GIGYF2: variants seen among roughly 807,000 people sequenced by gnomAD.
GIGYF2 encodes GRB10-interacting GYF protein 2.
In GIGYF2, 25 loss-of-function variants were observed where a neutral mutation model predicts 208.1. That is an observed-to-expected ratio of 0.12 (90% CI 0.09 to 0.17). The LOEUF (loss-of-function observed/expected upper bound fraction) is 0.17. Among genes scored for constraint, GIGYF2 ranks in the 10% least tolerant of loss-of-function variants. GIGYF2 has a pLI of 1.00. For synonymous variants in GIGYF2, 534 were observed against 543.8 expected, an observed-to-expected ratio of 0.98 and a Z score of 0.25; for missense variants, 1,302 against 1,579.4, an observed-to-expected ratio of 0.82 and a Z score of 2.98.
intron 8 of GIGYF2, among the ~76,000 whole-genome samples, chr2:232,772,384 A>G (rs1699303358): frequency 6.6e-6 from 1 of 152,222 alleles, no homozygotes; most frequent in South Asian, 2.1e-4. Context: ...AAATTCCAGG[A>G]AGACATTTCT....
intron 1 of GIGYF2, among the ~76,000 whole-genome samples, chr2:232,697,837 G>A (rs926607831): frequency 6.6e-6 from 1 of 152,214 alleles, no homozygotes; most frequent in Non-Finnish European, 1.5e-5. Context: ...CAGCTGCTGC[G>A]GCCAGACAGC....
chr2:232,775,842 C>CT (rs1242057810), intron 8 of GIGYF2, among the ~76,000 whole-genome samples: 1 of 152,174 alleles, frequency 6.6e-6, no homozygotes, highest in Non-Finnish European at 1.5e-5. Context: ...GGTGTAAATA[C>CT]TTTAAGACTA....
In GIGYF2 at chr2:232,809,708, C is replaced by T; in HGVS notation, c.1807-12C>T. The T allele has an allele frequency of 6.5e-7, 1 of 1,543,026 alleles. No homozygotes were observed. The highest frequency in any genetic ancestry group is 9.0e-7 in the Non-Finnish European group (1 of 1,115,070). ...TTTAATGGTATTTATTTCCTCACCA[C>T]TTCATTCCTAGGGAGAGCTGGACCA... On this transcript the variant is annotated splice_polypyrimidine_tract_variant and intron_variant, in intron 15 of 28. Transcript: ENST00000373563.
At chr2:232,756,107 C>T in intron 5 of GIGYF2, 116 bp from the exon 6 acceptor site, 6 of 651,168 alleles carry the variant, frequency 9.2e-6, no homozygotes, top group Non-Finnish European at 1.3e-5. Context: ...AATTAGATGC[C>T]TTTTTATAGA....
intron 22 of GIGYF2, among the ~76,000 whole-genome samples, chr2:232,835,175 T>G (rs1465767970): frequency 6.6e-6 from 1 of 152,220 alleles, no homozygotes; most frequent in African/African-American, 2.4e-5. Context: ...GATTTCATTC[T>G]TTTTTGTGGC....
rs1257665980 is a variant in GIGYF2 at position 232,844,052 on chromosome 2, C to T, written c.2896C>T (p.Arg966Cys). The change falls in exon 24 of 29, where the codon CGC (arginine) becomes TGC (cysteine). Residue 966 changes from arginine to cysteine, a missense_variant. Physicochemically the swap from Arg to Cys is radical, Grantham distance 180 (BLOSUM62 -3). Transcript: ENST00000373563. The part of the protein sequence containing the change: ...RERQLREEQR[R>C]QQRELMKALQ... ...TTCTGTTTTTATGCAACAGCAAAGG[C>T]GCCAGCAGAGGGAGTTGATGAAAGC... 9 of 1,612,364 alleles carry T rather than the reference C, an allele frequency of 5.6e-6. No individual in the cohort carries two copies. The highest frequency in any genetic ancestry group is 4.4e-5 in the South Asian group (4 of 90,956).
intron 1 of GIGYF2, among the ~76,000 whole-genome samples, chr2:232,702,743 A>G (rs1695913411): frequency 6.6e-6 from 1 of 152,182 alleles, no homozygotes; most frequent in African/African-American, 2.4e-5. Flanking sequence ...CTGAGGGCTC[A>G]GTGATTATTT....
intron 3 of GIGYF2, among the ~76,000 whole-genome samples, chr2:232,744,530 C>T (rs971384632): frequency 4.3e-4 from 64 of 148,216 alleles, no homozygotes; most frequent in African/African-American, 6.0e-4. Flanking sequence ...GTTTTTTTTT[C>T]TTTCTTTCTT....
At chr2:232,797,105 T>C (rs999337237) in intron 14 of GIGYF2, among the ~76,000 whole-genome samples, 2 of 150,668 alleles carry the variant, frequency 1.3e-5, no homozygotes, top group African/African-American at 4.9e-5. Context: ...GTGGAGTTGA[T>C]AAAAATGGTA....
At chr2:232,717,607 G>A (rs1302507132) in intron 2 of GIGYF2, among the ~76,000 whole-genome samples, 2 of 152,156 alleles carry the variant, frequency 1.3e-5, no homozygotes, top group Non-Finnish European at 2.9e-5. Flanking sequence ...GATTTATAAA[G>A]AAAAGAGGTT....
intron 28 of GIGYF2, 149 bp from the exon 29 acceptor site, chr2:232,856,644 A>T: frequency 1.4e-6 from 1 of 723,408 alleles, no homozygotes; most frequent in Non-Finnish European, 2.6e-6. Context: ...GTGAGCCGAG[A>T]TCACGCCACT....
chr2:232,760,784 G>A (rs1698717883), intron 7 of GIGYF2, 193 bp downstream of exon 7: 2 of 540,618 alleles, frequency 3.7e-6, no homozygotes, highest in Non-Finnish European at 6.6e-6. Flanking sequence ...ATTCTAGATA[G>A]ATAGGTTAAT....
At chr2:232,836,539 C>T (rs1357695613) in intron 22 of GIGYF2, among the ~76,000 whole-genome samples, 4 of 137,160 alleles carry the variant, frequency 2.9e-5, no homozygotes, top group Non-Finnish European at 3.1e-5. Context: ...GCACTCCAGC[C>T]TGGGTGACGG....
intron 8 of GIGYF2, among the ~76,000 whole-genome samples, chr2:232,773,910 TAAAAAAAAAAA>T (rs61323973): frequency 8.9e-6 from 1 of 112,802 alleles, no homozygotes; most frequent in Non-Finnish European, 1.8e-5. Context: ...TGTCTCTATT[TAAAAAAAAAAA>T]AAAAAAAAAA....
chr2:232,706,349 A>C (rs1368112387), intron 2 of GIGYF2, among the ~76,000 whole-genome samples: 1 of 152,206 alleles, frequency 6.6e-6, no homozygotes, highest in African/African-American at 2.4e-5. Context: ...AATTTGTGTA[A>C]AATTGTCATG....
At chr2:232,737,125 A>G (rs1697765293) in intron 3 of GIGYF2, among the ~76,000 whole-genome samples, 10 of 152,216 alleles carry the variant, frequency 6.6e-5, no homozygotes, top group South Asian at 6.2e-4. Context: ...CATTTGGTTC[A>G]CAGAGCCTAA....
chr2:232,698,887 T>C (rs1695724178), intron 1 of GIGYF2, among the ~76,000 whole-genome samples: 1 of 152,208 alleles, frequency 6.6e-6, no homozygotes, highest in African/African-American at 2.4e-5. Flanking sequence ...GAAGGAACCA[T>C]GTGCTTCCAT....
rs1264641804 is a variant in GIGYF2 at position 232,857,010 on chromosome 2, T to C, written c.*150T>C. 1.4e-5 allele frequency: 10 copies of C among 711,832 alleles called. No individual in the cohort carries two copies. The East Asian group carries it at 2.6e-4, about 19-fold the overall frequency. The allele number at this position is 711,832 out of a possible 1,614,324, so 44.1% of individuals were successfully genotyped here. Reference sequence around the variant, plus strand: ...TCAGGCTTTTTCTTCTGGCCCTTTGTGTCCAAGATTCTTTAATCCATTTTT... The same window carrying C: ...TCAGGCTTTTTCTTCTGGCCCTTTGCGTCCAAGATTCTTTAATCCATTTTT... On this transcript the variant is annotated 3_prime_UTR_variant, in exon 29 of 29. Coordinates refer to ENST00000373563, the MANE Select transcript of GIGYF2 (RefSeq NM_001103146.3).
intron 2 of GIGYF2, among the ~76,000 whole-genome samples, chr2:232,703,911 C>T (rs1024310643): frequency 3.9e-5 from 6 of 152,168 alleles, no homozygotes; most frequent in African/African-American, 9.7e-5. Context: ...TGTATTTGTG[C>T]AGTCTGGCCT....
Sources: allele counts gnomAD v4.1 joint callset (sites outside exome capture counted in the v4.1 genomes callset), GRCh38; gene constraint gnomAD v4.1.1; transcripts MANE v1.5; gene names NCBI Gene and HGNC (gene_info 2026-07-23, HGNC 2026-07-21).